Variants in KAZN observed in about 807,000 individuals in gnomAD.
KAZN encodes the protein kazrin.
KAZN carries 40 observed loss-of-function variants against 87.4 expected under a neutral mutation model. The observed-to-expected ratio is 0.46, with a 90% CI of 0.36 to 0.60. KAZN has a LOEUF of 0.60. Among genes scored for constraint, KAZN ranks in the 20% least tolerant of loss-of-function variants. KAZN has a pLI of 0.00. For missense variants in KAZN, 898 were observed against 1,073.9 expected (o/e 0.84, Z 2.29); for synonymous variants, 466 against 458.3 (o/e 1.02, Z -0.22).
intron 1 of KAZN, among the ~76,000 whole-genome samples, chr1:14,174,343 G>C (rs934123003): frequency 2.0e-5 from 3 of 152,202 alleles, no homozygotes; most frequent in Non-Finnish European, 4.4e-5. Context: ...GGAGTAGAGA[G>C]GGAACTTATG....
intron 2 of KAZN, among the ~76,000 whole-genome samples, chr1:15,022,271 G>A (rs751739130): frequency 3.3e-5 from 5 of 152,228 alleles, no homozygotes; most frequent in Admixed American, 6.5e-5. Flanking sequence ...AACCACGCCC[G>A]CACCCCGCCC....
At chr1:14,020,923 A>G (rs1640796734) in intron 1 of KAZN, among the ~76,000 whole-genome samples, 1 of 144,528 alleles carries the variant, frequency 6.9e-6, no homozygotes, top group Admixed American at 6.7e-5. Flanking sequence ...TCAGGCACGT[A>G]GGTTTCTTTT....
intron 2 of KAZN, among the ~76,000 whole-genome samples, chr1:15,000,241 G>A (rs1247888788): frequency 6.6e-6 from 1 of 151,882 alleles, no homozygotes; most frequent in Non-Finnish European, 1.5e-5. Context: ...TGGGATGCAG[G>A]CGGCCTCTAA....
intron 2 of KAZN, among the ~76,000 whole-genome samples, chr1:14,545,400 C>G (rs1673077838): frequency 6.6e-6 from 1 of 152,188 alleles, no homozygotes; most frequent in African/African-American, 2.4e-5. Flanking sequence ...GACAGATTGT[C>G]TGAGTTGGAA....
At chr1:14,549,836 T>C (rs1673398375) in intron 2 of KAZN, among the ~76,000 whole-genome samples, 1 of 152,170 alleles carries the variant, frequency 6.6e-6, no homozygotes, top group African/African-American at 2.4e-5. Flanking sequence ...ATTGCCAACT[T>C]CCTCAGCAGC....
chr1:14,352,995 A>G (rs1448130645), intron 2 of KAZN, among the ~76,000 whole-genome samples: 3 of 152,218 alleles, frequency 2.0e-5, no homozygotes, highest in Non-Finnish European at 1.5e-5. Context: ...TTAAATCCAC[A>G]TAACTAGGGA....
intron 2 of KAZN, among the ~76,000 whole-genome samples, chr1:14,978,565 G>T (rs1041623010): frequency 1.3e-5 from 2 of 152,162 alleles, no homozygotes; most frequent in African/African-American, 2.4e-5. Context: ...TTCTTTGTTC[G>T]TTTCTCTTAA....
intron 2 of KAZN, among the ~76,000 whole-genome samples, chr1:14,480,068 A>G (rs538841838): frequency 6.6e-6 from 1 of 152,360 alleles, no homozygotes; most frequent in East Asian, 1.9e-4. Flanking sequence ...TGGGGCATCC[A>G]TGTGACCAGT....
At chr1:14,362,660 G>A (rs1659620873) in intron 2 of KAZN, among the ~76,000 whole-genome samples, 2 of 152,156 alleles carry the variant, frequency 1.3e-5, no homozygotes, top group South Asian at 2.1e-4. Flanking sequence ...TAAAGACTGT[G>A]TAGCTTAATT....
chr1:13,971,546 G>A (rs1570420665), intron 1 of KAZN, among the ~76,000 whole-genome samples: 1 of 152,132 alleles, frequency 6.6e-6, no homozygotes, highest in Non-Finnish European at 1.5e-5. Context: ...ACAAAACACA[G>A]TGTGCTTCTC....
chr1:14,112,960 A>G (rs1644532155), intron 1 of KAZN, among the ~76,000 whole-genome samples: 1 of 152,220 alleles, frequency 6.6e-6, no homozygotes, highest in South Asian at 2.1e-4. Flanking sequence ...GCCTGTCACT[A>G]ACTGCATCCC....
chr1:14,982,615 T>C (rs762990775), intron 2 of KAZN, among the ~76,000 whole-genome samples: 8 of 151,956 alleles, frequency 5.3e-5, no homozygotes, highest in African/African-American at 1.9e-4. Flanking sequence ...TTAGTAGAGA[T>C]GCGGTTTCAC....
At chr1:14,905,856 A>ATAAT in intron 1 of KAZN, among the ~76,000 whole-genome samples, 1 of 146,892 alleles carries the variant, frequency 6.8e-6, no homozygotes, top group East Asian at 2.0e-4. Context: ...AATAATAATA[A>ATAAT]TAATAATAAT....
At chr1:14,814,169 C>A (rs999110006) in intron 1 of KAZN, among the ~76,000 whole-genome samples, 20 of 152,192 alleles carry the variant, frequency 1.3e-4, no homozygotes, top group African/African-American at 4.8e-4. Context: ...CCAACAACTT[C>A]CCTTGGTCAC....
chr1:14,793,115 T>C (rs778483420), intron 1 of KAZN, among the ~76,000 whole-genome samples: 10 of 151,824 alleles, frequency 6.6e-5, no homozygotes, highest in Non-Finnish European at 1.2e-4. Flanking sequence ...TTCAGCAGGA[T>C]AGGAATGGAC....
chr1:14,821,252 G>C (rs116584374), intron 1 of KAZN, among the ~76,000 whole-genome samples: 1 of 152,046 alleles, frequency 6.6e-6, no homozygotes, highest in South Asian at 2.1e-4. Flanking sequence ...GGTAATTACC[G>C]CCTGTAATCC....
At chr1:14,300,811 G>A (rs747922944) in intron 2 of KAZN, among the ~76,000 whole-genome samples, 31 of 152,258 alleles carry the variant, frequency 2.0e-4, no homozygotes, top group East Asian at 1.2e-3. Context: ...TCAGTTTGGC[G>A]TATCATCAGA....
intron 1 of KAZN, among the ~76,000 whole-genome samples, chr1:14,701,397 T>C (rs989268466): frequency 6.6e-6 from 1 of 152,180 alleles, no homozygotes; most frequent in African/African-American, 2.4e-5. Flanking sequence ...TCCCAAAGTG[T>C]TGGGATTACA....
chr1:14,629,984 T>C (rs762937859), intron 1 of KAZN, among the ~76,000 whole-genome samples: 56 of 135,948 alleles, frequency 4.1e-4, no homozygotes, highest in Non-Finnish European at 6.5e-4. Flanking sequence ...CCAATTCCCA[T>C]GGTGTAAATA....
Sources: gnomAD v4.1 joint callset for allele counts (sites outside exome capture counted in the v4.1 genomes callset) on GRCh38, gnomAD v4.1.1 for gene constraint, MANE v1.5 for transcripts, NCBI Gene and HGNC (gene_info 2026-07-23, HGNC 2026-07-21) for gene names.